Variants in RB1CC1 observed in about 807,000 individuals in gnomAD.
RB1CC1 encodes RB1 inducible coiled-coil 1.
RB1CC1 carries 46 observed loss-of-function variants against 177.5 expected under a neutral mutation model. That is an observed-to-expected ratio of 0.26 (90% CI 0.20 to 0.33). The LOEUF (loss-of-function observed/expected upper bound fraction) is 0.33, where lower values mean the gene tolerates loss of function less well. Among genes scored for constraint, RB1CC1 ranks in the 10% least tolerant of loss-of-function variants. The probability of loss-of-function intolerance (pLI) is 1.00; values close to 1 mark genes in which losing one functional copy is unlikely to be tolerated. For missense variants in RB1CC1, 1,703 were observed against 1,816.3 expected (o/e 0.94, Z 1.13); for synonymous variants, 666 against 613.6 (o/e 1.09, Z -1.26).
intron 18 of RB1CC1, among the ~76,000 whole-genome samples, chr8:52,637,603 A>G (rs1210303205): frequency 1.3e-5 from 2 of 152,174 alleles, no homozygotes; most frequent in African/African-American, 2.4e-5. Context: ...TTTTCTCAAT[A>G]AAAGATCAGG....
chr8:52,645,591 G>A, intron 16 of RB1CC1, 111 bp downstream of exon 16: 1 of 1,120,724 alleles, frequency 8.9e-7, no homozygotes, highest in South Asian at 1.6e-5. Flanking sequence ...TCAATGTAAG[G>A]AACATCACAT....
At chr8:52,684,321 T>G (rs994435622) in intron 3 of RB1CC1, among the ~76,000 whole-genome samples, 2 of 152,206 alleles carry the variant, frequency 1.3e-5, no homozygotes, top group African/African-American at 2.4e-5. Context: ...CTAACACATG[T>G]GAAGATTCCT....
At chr8:52,636,512 TA>T (rs1590928637) in intron 18 of RB1CC1, among the ~76,000 whole-genome samples, 2 of 152,158 alleles carry the variant, frequency 1.3e-5, no homozygotes, top group Admixed American at 1.3e-4. Context: ...TAGAAAATTT[TA>T]AAAAATGCTA....
chr8:52,665,837 C>A (rs997528360), intron 8 of RB1CC1, among the ~76,000 whole-genome samples: 2 of 151,972 alleles, frequency 1.3e-5, no homozygotes, highest in African/African-American at 4.8e-5. Context: ...GAAGAGGAGT[C>A]CAAAATTAAA....
chr8:52,661,860 G>A (rs1163684261), intron 8 of RB1CC1, 141 bp from the exon 9 acceptor site: 6 of 571,208 alleles, frequency 1.1e-5, no homozygotes, highest in Non-Finnish European at 1.7e-5. Flanking sequence ...TATTTTTCTC[G>A]AATGTAGTAG....
chr8:52,706,272 T>G (rs1304574391), intron 1 of RB1CC1, among the ~76,000 whole-genome samples: 1 of 151,462 alleles, frequency 6.6e-6, no homozygotes, highest in African/African-American at 2.4e-5. Context: ...TCAGTCCCAA[T>G]CTGAGGTCCT....
intron 1 of RB1CC1, 147 bp from the exon 2 acceptor site, chr8:52,687,114 C>T: frequency 2.9e-6 from 1 of 343,948 alleles, no homozygotes. Flanking sequence ...ATAATAACAA[C>T]CACATGACTT....
Position 52,656,224 on chromosome 8 carries a change from T to G in RB1CC1, c.3605A>C (p.Glu1202Ala). ...CTGGATAATAGCTTCGTATTTCTCT[T>G]CTTGTTGGGTAATTTTTTCATCTTT... ...RQKDEKITQQ[E>A]EKYEAIIQNL... The change falls in exon 15 of 24, where the codon GAA becomes GCA. Residue 1202 changes from glutamate to alanine, a missense_variant. Physicochemically the swap from Glu to Ala is moderately radical, Grantham distance 107. This residue lies in a region of RB1CC1 where 1,169 missense variants were observed against 1,184.7 expected (regional missense o/e 0.99). Transcript: ENST00000025008. 1 of 1,613,428 alleles carries G rather than the reference T, an allele frequency of 6.2e-7. No homozygotes were observed. The highest frequency in any genetic ancestry group is 8.5e-7 in the Non-Finnish European group (1 of 1,179,830).
Position 52,668,042 on chromosome 8 carries a change from A to G in RB1CC1, c.1152T>C (p.Asn384=), listed in dbSNP as rs774875538. Residue 384 remains asparagine, a synonymous_variant, in exon 8 of 24, where the codon AAT becomes AAC. Coordinates refer to ENST00000025008, the MANE Select transcript of RB1CC1 (RefSeq NM_014781.5). ...GTACCTGAGCAAGCTCTTTCTGTTC[A>G]TTCACCAGTCGGCCACAGCTAGCAA... ...QMIASCGRLV[N]EQKELAQGFL... 1.2e-5 allele frequency: 20 copies of G among 1,613,774 alleles called. No homozygotes were observed. The East Asian group carries it at 4.2e-4, about 34-fold the overall frequency.
At position 52,685,642 on chromosome 8, in the gene RB1CC1, T is replaced by C; in HGVS notation, c.-51-122A>G. The C allele has an allele frequency of 7.1e-6, 3 of 422,790 alleles. 1 individual carries two copies. Among genetic ancestry groups the C allele is most frequent in the Non-Finnish European group, 4.2e-6 (1 of 239,170 alleles). 26.2% of individuals were successfully genotyped at this position (422,790 alleles called of 1,614,324 possible). A position where few individuals can be genotyped will look rare whatever the true frequency, so the allele number is the denominator to read the frequency against. On this transcript the variant is annotated intron_variant, in intron 2 of 23. Coordinates refer to ENST00000025008, the MANE Select transcript of RB1CC1 (RefSeq NM_014781.5). ...ACAAAAATATCAAAATGGGCTTTGATGTCTAGGATGGCTAACTGGATAGTT... is the reference window on the plus strand; with the variant it reads ...ACAAAAATATCAAAATGGGCTTTGACGTCTAGGATGGCTAACTGGATAGTT...
intron 5 of RB1CC1, among the ~76,000 whole-genome samples, chr8:52,683,115 G>A (rs1010406524): frequency 2.0e-5 from 3 of 152,148 alleles, no homozygotes; most frequent in African/African-American, 4.8e-5. Flanking sequence ...GAAACAATCC[G>A]TGGGAACTGC....
Position 52,714,355 on chromosome 8 carries a change from G to A in RB1CC1, c.-447C>T, listed in dbSNP as rs976329594. ...CCTGTCAGAGCCGAGGGGCCCAGGC[G>A]ACTGGGGGATTCTGAGGCAACGCCG... On this transcript the variant is annotated 5_prime_UTR_variant, in exon 1 of 24. Coordinates refer to ENST00000025008, the MANE Select transcript of RB1CC1 (RefSeq NM_014781.5). The A allele has an allele frequency of 6.5e-6, 1 of 153,674 alleles. No individual in the cohort carries two copies. Among genetic ancestry groups the A allele is most frequent in the South Asian group, 1.8e-4 (1 of 5,498 alleles). 9.5% of individuals were successfully genotyped at this position (153,674 alleles called of 1,614,324 possible). A position where few individuals can be genotyped will look rare whatever the true frequency, so the allele number is the denominator to read the frequency against.
In RB1CC1 at chr8:52,671,886, A is replaced by T. The variant is rs1212628732; in HGVS notation, c.1002+1959T>A. Among the ~76,000 whole-genome samples, 6 of 152,308 alleles carry T rather than the reference A, an allele frequency of 3.9e-5. No individual in the cohort carries two copies. The East Asian group carries it at 1.2e-3, about 29-fold the overall frequency. On this transcript the variant is annotated intron_variant, in intron 7 of 23. Transcript: ENST00000025008. ...AGTAAAAAAAAAATCTAATGGGCAT[A>T]TACAACTAATGAGTACTATATTATA...
At position 52,657,346 on chromosome 8, in the gene RB1CC1, T is replaced by C. The variant is rs1264415283; in HGVS notation, c.2483A>G (p.Lys828Arg). The C allele has an allele frequency of 3.7e-6, 6 of 1,613,956 alleles. No individual in the cohort carries two copies. Among genetic ancestry groups the C allele is most frequent in the Non-Finnish European group, 5.1e-6 (6 of 1,179,930 alleles). ...TGAATTTGAGAAGTCACACTGTTCT[T>C]TTTGTACAAATGTTCTAAAGTGGCA... ...DLCHFRTFVQKEQCDFSNSLK... is the reference protein window; with the variant it reads ...DLCHFRTFVQREQCDFSNSLK... The change falls in exon 15 of 24, where the codon AAA (lysine) becomes AGA (arginine). Residue 828 changes from lysine to arginine, a missense_variant. This residue lies in a region of RB1CC1 where 1,169 missense variants were observed against 1,184.7 expected (regional missense o/e 0.99). Transcript: ENST00000025008.
At position 52,638,879 on chromosome 8, in the gene RB1CC1, T is replaced by C. The variant is rs184980437; in HGVS notation, c.4338-2810A>G. On this transcript the variant is annotated intron_variant, in intron 18 of 23. Coordinates refer to ENST00000025008, the MANE Select transcript of RB1CC1 (RefSeq NM_014781.5). ...TTAAAATGCTACATGTAGATTTCCA[T>C]ATATATCCACTGGTTTGTTTCAAGA... Among the ~76,000 whole-genome samples the C allele has an allele frequency of 1.1e-3, 161 of 152,288 alleles. 1 individual carries two copies. Among genetic ancestry groups the C allele is most frequent in the African/African-American group, 3.7e-3 (152 of 41,572 alleles).
intron 23 of RB1CC1, 32 bp downstream of exon 23, chr8:52,624,680 AGTTCC>A: frequency 6.7e-7 from 1 of 1,484,242 alleles, no homozygotes; most frequent in Non-Finnish European, 9.4e-7. Context: ...TCTTCTTTAC[AGTTCC>A]CAGGCTTAGT....
intron 13 of RB1CC1, 116 bp from the exon 14 acceptor site, chr8:52,658,240 T>A: frequency 8.7e-7 from 1 of 1,149,274 alleles, no homozygotes; most frequent in South Asian, 1.6e-5. Context: ...CCTTTTTAAA[T>A]TAATACCAGA....
Position 52,645,699 on chromosome 8 carries a change from G to C in RB1CC1, c.3987+3C>G, listed in dbSNP as rs545202079. 9.1e-5 allele frequency: 146 copies of C among 1,610,946 alleles called. 2 individuals carry two copies. The South Asian group carries it at 1.5e-3, about 17-fold the overall frequency. ...CAAATGAAATGGGAAAAGAGATACA[G>C]ACCTGTTGTTCCGCAATCAAAGATG... On this transcript the variant is annotated splice_donor_region_variant and intron_variant, in intron 16 of 23. Coordinates refer to ENST00000025008, the MANE Select transcript of RB1CC1 (RefSeq NM_014781.5).
At chr8:52,628,326 T>A (rs1007685845) in intron 21 of RB1CC1, among the ~76,000 whole-genome samples, 158 bp from the exon 22 acceptor site, 1 of 152,182 alleles carries the variant, frequency 6.6e-6, no homozygotes, top group Non-Finnish European at 1.5e-5. Context: ...TCTGCCCAGG[T>A]CCTAATGGGA....
Sources: gnomAD v4.1 joint callset for allele counts (sites outside exome capture counted in the v4.1 genomes callset) on GRCh38, gnomAD v4.1.1 for gene constraint, gnomAD v4.1.1 regional missense constraint, MANE v1.5 for transcripts, NCBI Gene and HGNC (gene_info 2026-07-23, HGNC 2026-07-21) for gene names.